Variants in COL11A1 observed in about 807,000 individuals in gnomAD.
COL11A1 encodes collagen type XI alpha 1 chain, also known as collagen alpha-1(XI) chain.
A neutral mutation model predicts 265.2 loss-of-function variants in COL11A1; 74 were observed. The ratio of observed to expected loss-of-function variants is 0.28; its 90% confidence interval spans 0.23 to 0.34. The LOEUF (loss-of-function observed/expected upper bound fraction) is 0.34. Ranked by LOEUF, COL11A1 falls within the 10% of genes least tolerant of loss-of-function variation. The pLI, the probability that COL11A1 is intolerant of heterozygous loss-of-function variation, is 1.00. For missense variants in COL11A1, 2,165 were observed against 2,263.6 expected, an observed-to-expected ratio of 0.96 and a Z score of 0.88; for synonymous variants, 816 against 727.6, an observed-to-expected ratio of 1.12 and a Z score of -1.96.
At position 103,082,868 on chromosome 1, in the gene COL11A1, C is replaced by A; in HGVS notation, c.211G>T (p.Asp71Tyr). The A allele has an allele frequency of 1.2e-6, 2 of 1,613,664 alleles. No homozygotes were observed. Among genetic ancestry groups the A allele is most frequent in the Non-Finnish European group, 1.7e-6 (2 of 1,179,720 alleles). Residue 71 changes from aspartate to tyrosine, a missense_variant, in exon 2 of 67, where the codon GAT (aspartate) becomes TAT (tyrosine). By Grantham distance (160) the Asp-to-Tyr change is radical. Coordinates refer to ENST00000370096, the MANE Select transcript of COL11A1 (RefSeq NM_001854.4). ...TGCTTTGAAACTCTGTAAGCAGTAT[C>A]TGAGCCTTTAGAATTCTTTCTGTTT... ...CTNRKNSKGS[D>Y]TAYRVSKQAQ...
intron 31 of COL11A1, among the ~76,000 whole-genome samples, chr1:102,981,916 G>T (rs1233657556): frequency 6.6e-6 from 1 of 151,310 alleles, no homozygotes; most frequent in Non-Finnish European, 1.5e-5. Flanking sequence ...TCAAATTACA[G>T]GCCTTAATCT....
chr1:103,079,001 T>C, intron 2 of COL11A1, 130 bp from the exon 3 acceptor site: 1 of 672,488 alleles, frequency 1.5e-6, no homozygotes, highest in Non-Finnish European at 2.6e-6. Context: ...AGTAAACAGA[T>C]TAATAAATAA....
intron 1 of COL11A1, among the ~76,000 whole-genome samples, chr1:103,104,798 T>C (rs555545262): frequency 2.2e-4 from 34 of 152,296 alleles, no homozygotes; most frequent in African/African-American, 7.5e-4. Context: ...TAGCAAACAC[T>C]GCATTTCTTA....
intron 45 of COL11A1, 123 bp from the exon 46 acceptor site, chr1:102,934,679 G>A (rs561641019): frequency 3.8e-6 from 3 of 784,858 alleles, no homozygotes; most frequent in Non-Finnish European, 4.4e-6. Flanking sequence ...CAAGTAAAAA[G>A]TAGACTGAAT....
In COL11A1 at chr1:102,923,325, T is replaced by C; in HGVS notation, c.3654+11A>G. 2 of 1,604,312 alleles carry C rather than the reference T, an allele frequency of 1.2e-6. No individual in the cohort carries two copies. The highest frequency in any genetic ancestry group is 1.7e-6 in the Non-Finnish European group (2 of 1,174,130). The stretch of plus-strand genomic sequence containing the variant: ...ACACATACCCATCAAACACCAAAAA[T>C]AAAAACTTACCATGGGACCAACATC... On this transcript the variant is annotated intron_variant, in intron 47 of 66. Transcript: ENST00000370096.
rs1448758771 is a variant in COL11A1, at chr1:103,001,806, C to T, written c.2142+119G>A. ...TTTCCATGTCGACTCCAGATTAATTCCTTATGTGCTGAGCTATCTAGATAT... is the reference window on the plus strand; with the variant it reads ...TTTCCATGTCGACTCCAGATTAATTTCTTATGTGCTGAGCTATCTAGATAT... On this transcript the variant is annotated intron_variant, in intron 24 of 66. Coordinates refer to ENST00000370096, the MANE Select transcript of COL11A1 (RefSeq NM_001854.4). 3.5e-6 allele frequency: 3 copies of T among 847,568 alleles called. No homozygotes were observed. The African/African-American group carries it at 5.0e-5, about 14-fold the overall frequency. 52.5% of individuals were successfully genotyped at this position (847,568 alleles called of 1,614,324 possible). A position where few individuals can be genotyped will look rare whatever the true frequency, so the allele number is the denominator to read the frequency against.
chr1:102,888,566 C>G lies in COL11A1; in HGVS notation c.4608+11G>C. Reference sequence around the variant, plus strand: ...ACTGTCAGAACATCACTCTTGTTAACATATACTTACTGGAGACCCAGGAGG... The same window carrying G: ...ACTGTCAGAACATCACTCTTGTTAAGATATACTTACTGGAGACCCAGGAGG... On this transcript the variant is annotated intron_variant, in intron 62 of 66. Transcript: ENST00000370096. 1 of 1,610,852 alleles carries G rather than the reference C, an allele frequency of 6.2e-7. No homozygotes were observed. Among genetic ancestry groups the G allele is most frequent in the Non-Finnish European group, 8.5e-7 (1 of 1,177,186 alleles).
chr1:102,921,601 A>G, intron 47 of COL11A1, 30 bp from the exon 48 acceptor site: 1 of 1,563,436 alleles, frequency 6.4e-7, no homozygotes, highest in Non-Finnish European at 8.8e-7. Context: ...AGGTTTACAA[A>G]GACCAAATTC....
At chr1:102,928,265 C>A (rs934191626) in intron 46 of COL11A1, among the ~76,000 whole-genome samples, 5 of 150,862 alleles carry the variant, frequency 3.3e-5, no homozygotes, top group Non-Finnish European at 5.9e-5. Context: ...CCCACCCCAC[C>A]ACAGTCCCCA....
intron 11 of COL11A1, among the ~76,000 whole-genome samples, chr1:103,016,358 C>A (rs1445798604): frequency 6.6e-6 from 1 of 151,680 alleles, no homozygotes; most frequent in Non-Finnish European, 1.5e-5. Context: ...TGTATGTGTG[C>A]ATGCATACAT....
chr1:102,991,175 G>A (rs1262228598), intron 28 of COL11A1, among the ~76,000 whole-genome samples: 1 of 152,098 alleles, frequency 6.6e-6, no homozygotes, highest in African/African-American at 2.4e-5. Context: ...TGTGGAGGAG[G>A]TGGTGAGGCA....
At chr1:103,018,966 A>C (rs2101920808) in intron 9 of COL11A1, 107 bp from the exon 10 acceptor site, 1 of 851,878 alleles carries the variant, frequency 1.2e-6, no homozygotes. Flanking sequence ...ATAGTGAATT[A>C]TCTATTCATA....
At position 102,989,661 on chromosome 1, in the gene COL11A1, C is replaced by T. The variant is rs1463034; in HGVS notation, c.2341-90G>A. The T allele has an allele frequency of 0.89, 781,975 of 878,744 alleles. 351,627 individuals carry two copies. The highest frequency in any genetic ancestry group is 0.94 in the East Asian group (36,559 of 39,008). 54.4% of individuals were successfully genotyped at this position (878,744 alleles called of 1,614,324 possible). A position where few individuals can be genotyped will look rare whatever the true frequency, so the allele number is the denominator to read the frequency against. On this transcript the variant is annotated intron_variant, in intron 28 of 66. Transcript: ENST00000370096. ...GCTATAAAAATTTATGTGCTGATAACGAGGGAAAATTATTTTTGAGAAATG... is the reference window on the plus strand; with the variant it reads ...GCTATAAAAATTTATGTGCTGATAATGAGGGAAAATTATTTTTGAGAAATG...
chr1:102,888,715 G>T lies in COL11A1; in HGVS notation c.4554+8C>A. 1 of 1,613,902 alleles carries T rather than the reference G, an allele frequency of 6.2e-7. No individual in the cohort carries two copies. Among genetic ancestry groups the T allele is most frequent in the Non-Finnish European group, 8.5e-7 (1 of 1,179,846 alleles). Reference sequence around the variant, plus strand: ...CAAAATTAAATTGTCAAAGGGAAAAGTACTTACAGTAGAGCCTTTGTTACC... The same window carrying T: ...CAAAATTAAATTGTCAAAGGGAAAATTACTTACAGTAGAGCCTTTGTTACC... On this transcript the variant is annotated splice_region_variant and intron_variant, in intron 61 of 66. Coordinates refer to ENST00000370096, the MANE Select transcript of COL11A1 (RefSeq NM_001854.4).
intron 36 of COL11A1, 120 bp downstream of exon 36, chr1:102,974,710 T>C (rs1262271683): frequency 4.0e-6 from 3 of 753,584 alleles, no homozygotes; most frequent in Non-Finnish European, 4.4e-6. Flanking sequence ...TTGACATCAA[T>C]TGTAATTTTA....
At chr1:102,898,896 A>T in intron 55 of COL11A1, 45 bp downstream of exon 55, 1 of 1,002,530 alleles carries the variant, frequency 1.0e-6, no homozygotes, top group Non-Finnish European at 1.3e-6. Context: ...TACCTTGTAT[A>T]TATAATATAT....
intron 46 of COL11A1, among the ~76,000 whole-genome samples, chr1:102,926,554 A>G (rs528633923): frequency 2.0e-5 from 3 of 152,316 alleles, no homozygotes; most frequent in East Asian, 3.9e-4. Context: ...TGTTAATTAC[A>G]TTAGCATCAT....
At chr1:102,940,478 T>A (rs1658608395) in intron 42 of COL11A1, 44 bp from the exon 43 acceptor site, 2 of 1,388,060 alleles carry the variant, frequency 1.4e-6, no homozygotes, top group Non-Finnish European at 2.0e-6. Context: ...AGTTTTGAAG[T>A]GCAGCTACAA....
At position 103,078,849 on chromosome 1, in the gene COL11A1, A is replaced by G. The variant is rs2102303746; in HGVS notation, c.297T>C (p.Phe99=). Residue 99 remains phenylalanine, a synonymous_variant, in exon 3 of 67, where the codon TTT becomes TTC. Coordinates refer to ENST00000370096, the MANE Select transcript of COL11A1 (RefSeq NM_001854.4). ...LFPGGTFPED[F]SILFTVKPKK... ...TTGGTTTTACTGTAAATAGTATTGAAAAGTCTTCTGGGAAAGTTCCACCTG... is the reference window on the plus strand; with the variant it reads ...TTGGTTTTACTGTAAATAGTATTGAGAAGTCTTCTGGGAAAGTTCCACCTG... 6.2e-7 allele frequency: 1 copy of G among 1,610,514 alleles called. No homozygotes were observed. Among genetic ancestry groups the G allele is most frequent in the Non-Finnish European group, 8.5e-7 (1 of 1,177,538 alleles).
Sources: gnomAD v4.1 joint callset for allele counts (sites outside exome capture counted in the v4.1 genomes callset) on GRCh38, gnomAD v4.1.1 for gene constraint, MANE v1.5 for transcripts, NCBI Gene and HGNC (gene_info 2026-07-23, HGNC 2026-07-21) for gene names.